The following SPIDR variants were observed in gnomAD, a reference collection of about 807,000 sequenced individuals.
The protein encoded by SPIDR is scaffold protein involved in DNA repair.
SPIDR carries 93 observed loss-of-function variants against 104.6 expected under a neutral mutation model. That is an observed-to-expected ratio of 0.89 (90% confidence interval 0.75 to 1.06). The LOEUF (loss-of-function observed/expected upper bound fraction) is 1.06. Among genes scored for constraint, SPIDR ranks in the 50% least tolerant of loss-of-function variants. The pLI is 0.00. For synonymous variants in SPIDR, 431 were observed against 416.9 expected (o/e 1.03, Z -0.41); for missense variants, 1,154 against 1,111.2 (o/e 1.04, Z -0.55).
At chr8:47,271,340 C>T (rs2035282923) in intron 1 of SPIDR, among the ~76,000 whole-genome samples, 1 of 152,094 alleles carries the variant, frequency 6.6e-6, no homozygotes, top group Non-Finnish European at 1.5e-5. Flanking sequence ...TCTTATTATG[C>T]ATATATTTGT....
chr8:47,444,434 ACATC>A (rs1554699826), intron 8 of SPIDR, among the ~76,000 whole-genome samples: 1 of 152,248 alleles, frequency 6.6e-6, no homozygotes, highest in African/African-American at 2.4e-5. Flanking sequence ...CTCAGAATAC[ACATC>A]CCAGTATGCT....
chr8:47,582,780 G>A (rs1717796161), intron 8 of SPIDR, among the ~76,000 whole-genome samples: 1 of 150,176 alleles, frequency 6.7e-6, no homozygotes, highest in African/African-American at 2.4e-5. Flanking sequence ...AGGGTCACTT[G>A]TTGTCTGGGC....
intron 8 of SPIDR, chr8:47,512,039 T>A (rs1264093427): frequency 1.4e-6 from 1 of 708,806 alleles, no homozygotes; most frequent in Non-Finnish European, 2.5e-6. Context: ...GCTAGCGCAA[T>A]CTGCAAGTCC....
In SPIDR at chr8:47,595,995, C is replaced by T. The variant is rs1160149317; in HGVS notation, c.1282C>T (p.Pro428Ser). ...AATTAAGGGTCTAACAAATAATTCACCTGAAATCCAGGTAAACTCCTATTG... is the reference window on the plus strand; with the variant it reads ...AATTAAGGGTCTAACAAATAATTCATCTGAAATCCAGGTAAACTCCTATTG... ...FVIKGLTNNS[P>S]EIQVVCSGVA... Residue 428 changes from proline to serine, a missense_variant, in exon 9 of 20, where the codon CCT (proline) becomes TCT (serine). Pro to Ser is a moderately conservative substitution (Grantham distance 74). Transcript: ENST00000297423. 3 of 1,610,408 alleles carry T rather than the reference C, an allele frequency of 1.9e-6. No homozygotes were observed. Among genetic ancestry groups the T allele is most frequent in the Non-Finnish European group, 2.5e-6 (3 of 1,178,994 alleles).
chr8:47,460,383 G>A (rs1242250229), intron 8 of SPIDR, among the ~76,000 whole-genome samples: 1 of 151,872 alleles, frequency 6.6e-6, no homozygotes, highest in Non-Finnish European at 1.5e-5. Context: ...TTTTATATTA[G>A]GTTGGTGCAA....
At chr8:47,662,990 AC>A (rs1044133624) in intron 10 of SPIDR, among the ~76,000 whole-genome samples, 1 of 152,192 alleles carries the variant, frequency 6.6e-6, no homozygotes, top group Non-Finnish European at 1.5e-5. Flanking sequence ...ATTGTTTATG[AC>A]CCACCCAGTC....
chr8:47,400,206 G>C (rs1327680647), intron 6 of SPIDR, among the ~76,000 whole-genome samples: 1 of 152,184 alleles, frequency 6.6e-6, no homozygotes, highest in Non-Finnish European at 1.5e-5. Flanking sequence ...AGAGGGTAGG[G>C]GAGACAACAC....
chr8:47,688,016 A>AGTGTGTGTGTGTGTGTGTGTGTGTGT (rs141582845), intron 11 of SPIDR, among the ~76,000 whole-genome samples: 1 of 145,676 alleles, frequency 6.9e-6, no homozygotes, highest in African/African-American at 2.5e-5. Flanking sequence ...AAAAAAAAAA[A>AGTGTGTGTGTGTGTGTGTGTGTGTGT]GTGTGTGTGT....
chr8:47,324,973 G>A (rs1407182827), intron 5 of SPIDR, among the ~76,000 whole-genome samples: 2 of 152,094 alleles, frequency 1.3e-5, no homozygotes, highest in Non-Finnish European at 2.9e-5. Flanking sequence ...TTCTCTGTGT[G>A]TCCCTCCCCC....
At chr8:47,523,304 A>C in intron 8 of SPIDR, among the ~76,000 whole-genome samples, 1 of 152,202 alleles carries the variant, frequency 6.6e-6, no homozygotes, top group East Asian at 1.9e-4. Flanking sequence ...TAGATCAACA[A>C]GATAAGGATA....
intron 1 of SPIDR, among the ~76,000 whole-genome samples, chr8:47,263,615 G>A (rs189127251): frequency 4.1e-4 from 63 of 152,236 alleles, no homozygotes; most frequent in African/African-American, 1.0e-3. Flanking sequence ...CACTGCGCCC[G>A]GCCATGAAAT....
chr8:47,607,668 T>A (rs1242952064), intron 10 of SPIDR, among the ~76,000 whole-genome samples: 1 of 151,680 alleles, frequency 6.6e-6, no homozygotes, highest in East Asian at 2.0e-4. Flanking sequence ...CCAAGAGTCT[T>A]TCTCCACTGT....
At chr8:47,450,697 A>G (rs2071557287) in intron 8 of SPIDR, among the ~76,000 whole-genome samples, 1 of 152,200 alleles carries the variant, frequency 6.6e-6, no homozygotes, top group Non-Finnish European at 1.5e-5. Flanking sequence ...TTCCTAATCT[A>G]AGATACTGAG....
intron 5 of SPIDR, among the ~76,000 whole-genome samples, chr8:47,390,212 A>G (rs1248616215): frequency 1.3e-5 from 2 of 152,164 alleles, no homozygotes; most frequent in African/African-American, 2.4e-5. Flanking sequence ...GCCATCTCCC[A>G]GTTGCCAGTG....
intron 8 of SPIDR, among the ~76,000 whole-genome samples, chr8:47,572,718 C>T (rs1262245579): frequency 8.8e-6 from 1 of 114,020 alleles, no homozygotes; most frequent in African/African-American, 2.7e-5. Context: ...ATAACTTGTA[C>T]GATTCCTGTA....
chr8:47,638,440 G>A (rs959092318), intron 10 of SPIDR, among the ~76,000 whole-genome samples: 7 of 152,090 alleles, frequency 4.6e-5, no homozygotes, highest in Admixed American at 1.3e-4. Context: ...CACCATACCC[G>A]GCCCAAATGC....
At chr8:47,384,524 G>T (rs1554647061) in intron 5 of SPIDR, among the ~76,000 whole-genome samples, 1 of 152,134 alleles carries the variant, frequency 6.6e-6, no homozygotes, top group Non-Finnish European at 1.5e-5. Context: ...AAAACATTTT[G>T]TTTTTTCAGT....
intron 16 of SPIDR, among the ~76,000 whole-genome samples, chr8:47,715,967 T>TC (rs1314076874): frequency 1.4e-5 from 2 of 147,748 alleles, no homozygotes; most frequent in African/African-American, 5.0e-5. Context: ...CTTTTTTCTT[T>TC]TTTTTTTTTT....
At chr8:47,680,837 A>G (rs1203856724) in intron 11 of SPIDR, among the ~76,000 whole-genome samples, 3 of 152,210 alleles carry the variant, frequency 2.0e-5, no homozygotes, top group African/African-American at 7.2e-5. Context: ...GCTGGGCTCA[A>G]TGGCTCACAC....
Sources: allele counts gnomAD v4.1 joint callset (sites outside exome capture counted in the v4.1 genomes callset), GRCh38; gene constraint gnomAD v4.1.1; transcripts MANE v1.5; gene names NCBI Gene and HGNC (gene_info 2026-07-23, HGNC 2026-07-21).